SLC25A44: variants seen among roughly 807,000 people sequenced by gnomAD.
SLC25A44 encodes solute carrier family 25 member 44, also known as solute carrier family 25, member 44.
Under a neutral mutation model 29.9 loss-of-function variants are expected in SLC25A44, and 17 were observed. The ratio of observed to expected loss-of-function variants is 0.57; its 90% CI spans 0.39 to 0.85. The LOEUF is 0.85. Among genes scored for constraint, SLC25A44 ranks in the 40% least tolerant of loss-of-function variants. SLC25A44 has a pLI of 0.00. For synonymous variants in SLC25A44, 140 were observed against 151.8 expected (o/e 0.92, Z 0.57); for missense variants, 302 against 398.4 (o/e 0.76, Z 2.06).
intron 1 of SLC25A44, chr1:156,197,422 TTCTC>T (rs1656281715): frequency 6.6e-6 from 1 of 152,184 alleles, no homozygotes; most frequent in African/African-American, 2.4e-5. Context: ...CAAGCCATTG[TTCTC>T]TCTCTTTCAC....
At position 156,199,889 on chromosome 1, in the gene SLC25A44, C is replaced by T. The variant is rs1656444406; in HGVS notation, c.42C>T (p.His14=). The part of the protein sequence containing the change: ...KRNIQIIEWE[H]LDKKKFYVFG... ...ACATCCAGATCATCGAGTGGGAACA[C>T]CTGGACAAGAAGAAGTTCTACGTGT... is the stretch of plus-strand genomic sequence containing the variant. Residue 14 remains histidine, a synonymous_variant, in exon 2 of 4, where the codon CAC becomes CAT. Coordinates refer to ENST00000359511, the MANE Select transcript of SLC25A44 (RefSeq NM_014655.4). The T allele has an allele frequency of 8.7e-6, 14 of 1,614,022 alleles. No individual in the cohort carries two copies. The highest frequency in any genetic ancestry group is 1.7e-5 in the Admixed American group (1 of 60,002).
rs1330934390 is a variant in SLC25A44 at position 156,200,353 on chromosome 1, T to C, written c.506T>C (p.Ile169Thr). ...GTTGCCTTTGGCCAAACCAAGGACA[T>C]CATCAGGCAGATCCTGCAGGCTGAT... ...GVVAFGQTKD[I>T]IRQILQADGL... The change falls in exon 2 of 4, where the codon ATC (isoleucine) becomes ACC (threonine). Residue 169 changes from isoleucine to threonine, a missense_variant. Ile to Thr is a moderately conservative substitution (Grantham distance 89). Transcript: ENST00000359511. 1 of 1,613,990 alleles carries C rather than the reference T, an allele frequency of 6.2e-7. No homozygotes were observed. The highest frequency in any genetic ancestry group is 1.3e-5 in the African/African-American group (1 of 74,908).
At chr1:156,195,173 G>C (rs1656129133) in intron 1 of SLC25A44, among the ~76,000 whole-genome samples, 1 of 150,114 alleles carries the variant, frequency 6.7e-6, no homozygotes, top group South Asian at 2.1e-4. Flanking sequence ...GCGCAATCTC[G>C]GCTCACTGCA....
At chr1:156,202,867 G>A (rs1656675653) in intron 2 of SLC25A44, among the ~76,000 whole-genome samples, 1 of 152,210 alleles carries the variant, frequency 6.6e-6, no homozygotes, top group Non-Finnish European at 1.5e-5. Context: ...TGCGATGTAA[G>A]TGGTCTATAA....
chr1:156,207,955 C>T lies in SLC25A44; in HGVS notation c.695C>T (p.Ala232Val). The T allele has an allele frequency of 1.9e-6, 3 of 1,614,132 alleles. No homozygotes were observed. The highest frequency in any genetic ancestry group is 2.5e-6 in the Non-Finnish European group (3 of 1,179,978). Residue 232 changes from alanine (A) to valine (V), a missense_variant, in exon 3 of 4, where the codon GCT becomes GTT. Ala to Val is a moderately conservative substitution (Grantham distance 64). Coordinates refer to ENST00000359511, the MANE Select transcript of SLC25A44 (RefSeq NM_014655.4). ...IVFQAVSGPL[A>V]AATASILTNP... ...TTTCAAGCTGTCTCGGGGCCCCTGG[C>T]TGCAGCCACTGCCTCCATCCTCACC... is the stretch of plus-strand genomic sequence containing the variant.
At chr1:156,196,985 T>A (rs1656248693) in intron 1 of SLC25A44, 1 of 152,288 alleles carries the variant, frequency 6.6e-6, no homozygotes, top group Non-Finnish European at 1.5e-5. Flanking sequence ...ATTGACCAGC[T>A]GTGTGACCTT....
Position 156,210,528 on chromosome 1 carries a change from ACCCAG to A in SLC25A44, c.*101_*105del. 9.0e-6 allele frequency: 8 copies of A among 884,348 alleles called. No homozygotes were observed. The South Asian group carries it at 1.6e-4, about 18-fold the overall frequency. The allele number at this position is 884,348 out of a possible 1,614,324, so 54.8% of individuals were successfully genotyped here. ...CCCTCTCCAGGTGCTCCCACCACAC[ACCCAG>A]CCCTGCCCTGGGCCAAGTGGCCTAT... On this transcript the variant is annotated 3_prime_UTR_variant, in exon 4 of 4. Transcript: ENST00000359511.
Position 156,200,203 on chromosome 1 carries a change from C to T in SLC25A44, c.356C>T (p.Ala119Val). ...AAATCACTGGTGGCTGGTGGCTCAG[C>T]CTCCCTTGTGGCCCAGAGCATCACA... ...TVKSLVAGGS[A>V]SLVAQSITVP... is the part of the protein sequence containing the mutation. The change falls in exon 2 of 4, where the codon GCC (alanine) becomes GTC (valine). Residue 119 changes from alanine to valine, a missense_variant. Ala to Val is a moderately conservative substitution (Grantham distance 64). Transcript: ENST00000359511. 6.2e-7 allele frequency: 1 copy of T among 1,614,190 alleles called. No homozygotes were observed. Among genetic ancestry groups the T allele is most frequent in the Non-Finnish European group, 8.5e-7 (1 of 1,180,024 alleles).
intron 3 of SLC25A44, among the ~76,000 whole-genome samples, chr1:156,209,577 T>C (rs1657165022): frequency 6.6e-6 from 1 of 151,938 alleles, no homozygotes; most frequent in South Asian, 2.1e-4. Context: ...GGGGAGGGTG[T>C]GGGACTGTTG....
At chr1:156,207,178 AT>A (rs566114688) in intron 2 of SLC25A44, among the ~76,000 whole-genome samples, 29,115 of 135,798 alleles carry the variant, frequency 0.21, 2,963 homozygotes, top group Non-Finnish European at 0.28. Flanking sequence ...TATACAAAAC[AT>A]TTTTTTTTTT....
rs1420145599 is a variant in SLC25A44 at position 156,207,967 on chromosome 1, C to T, written c.707C>T (p.Ala236Val). Residue 236 changes from alanine to valine, a missense_variant, in exon 3 of 4, where the codon GCC (alanine) becomes GTC (valine). Coordinates refer to ENST00000359511, the MANE Select transcript of SLC25A44 (RefSeq NM_014655.4). ...AVSGPLAAAT[A>V]SILTNPMDVI... Reference sequence around the variant, plus strand: ...TCGGGGCCCCTGGCTGCAGCCACTGCCTCCATCCTCACCAATCCCATGGAT... The same window carrying T: ...TCGGGGCCCCTGGCTGCAGCCACTGTCTCCATCCTCACCAATCCCATGGAT... 1.2e-6 allele frequency: 2 copies of T among 1,614,128 alleles called. No homozygotes were observed. The highest frequency in any genetic ancestry group is 1.7e-6 in the Non-Finnish European group (2 of 1,179,992).
chr1:156,199,462 G>T, intron 1 of SLC25A44: 2 of 220,074 alleles, frequency 9.1e-6, no homozygotes, highest in Non-Finnish European at 1.8e-5. Context: ...CAAAAAGAAT[G>T]ATTCCTGGCC....
Position 156,211,238 on chromosome 1 carries a change from G to A in SLC25A44, c.*807G>A, listed in dbSNP as rs892711682. 1.3e-5 allele frequency: 2 copies of A among 152,794 alleles called. No individual in the cohort carries two copies. Among genetic ancestry groups the A allele is most frequent in the African/African-American group, 4.8e-5 (2 of 41,432 alleles). 9.5% of individuals were successfully genotyped at this position (152,794 alleles called of 1,614,324 possible). On this transcript the variant is annotated 3_prime_UTR_variant, in exon 4 of 4. Coordinates refer to ENST00000359511, the MANE Select transcript of SLC25A44 (RefSeq NM_014655.4). ...CCACTTCCCTGTCCCTTCAGTCTCA[G>A]GAGCCCTAGGAGAGTCTAAGCTGGG... is the stretch of plus-strand genomic sequence containing the variant.
chr1:156,201,409 C>T (rs1454904783), intron 2 of SLC25A44, among the ~76,000 whole-genome samples: 2 of 152,144 alleles, frequency 1.3e-5, no homozygotes, highest in South Asian at 2.1e-4. Flanking sequence ...TTAGGGCAGC[C>T]TATGTTTGAA....
intron 1 of SLC25A44, among the ~76,000 whole-genome samples, chr1:156,195,331 C>T (rs1214475238): frequency 6.6e-6 from 1 of 152,074 alleles, no homozygotes; most frequent in African/African-American, 2.4e-5. Flanking sequence ...TCTCGATCTC[C>T]TGACCTCGTG....
rs1203479145 is a variant in SLC25A44, at chr1:156,212,653, G to A, written c.*2222G>A. On this transcript the variant is annotated 3_prime_UTR_variant, in exon 4 of 4. Coordinates refer to ENST00000359511, the MANE Select transcript of SLC25A44 (RefSeq NM_014655.4). The stretch of plus-strand genomic sequence containing the variant: ...CTCTGGGAGACTGGAAACCTGATTG[G>A]AGCACTGAGGAACAAGGGAATGAAA... 2 of 187,194 alleles carry A rather than the reference G, an allele frequency of 1.1e-5. No individual in the cohort carries two copies. Among genetic ancestry groups the A allele is most frequent in the East Asian group, 2.7e-4 (2 of 7,328 alleles). 11.6% of individuals were successfully genotyped at this position (187,194 alleles called of 1,614,324 possible). A position where few individuals can be genotyped will look rare whatever the true frequency, so the allele number is the denominator to read the frequency against.
At position 156,210,455 on chromosome 1, in the gene SLC25A44, C is replaced by T. The variant is rs759248470; in HGVS notation, c.*24C>T. 1 of 1,521,438 alleles carries T rather than the reference C, an allele frequency of 6.6e-7. No homozygotes were observed. The highest frequency in any genetic ancestry group is 8.9e-7 in the Non-Finnish European group (1 of 1,128,136). The allele number at this position is 1,521,438 out of a possible 1,614,324, so 94.2% of individuals were successfully genotyped here. On this transcript the variant is annotated 3_prime_UTR_variant, in exon 4 of 4. Transcript: ENST00000359511. ...AACCAGTGGTGGGGAGAGAAGCCTG[C>T]TGTTTTCCACACTACCGTGGGTCAG...
At chr1:156,206,673 C>T (rs1656950625) in intron 2 of SLC25A44, among the ~76,000 whole-genome samples, 1 of 152,098 alleles carries the variant, frequency 6.6e-6, no homozygotes, top group Non-Finnish European at 1.5e-5. Flanking sequence ...GCTGGGACTA[C>T]AGGCCCGCAC....
At chr1:156,201,143 T>C (rs1479546077) in intron 2 of SLC25A44, among the ~76,000 whole-genome samples, 1 of 152,116 alleles carries the variant, frequency 6.6e-6, no homozygotes, top group Non-Finnish European at 1.5e-5. Flanking sequence ...GCATTTTAAA[T>C]TCAAGGTGTG....
Sources: allele counts gnomAD v4.1 joint callset (sites outside exome capture counted in the v4.1 genomes callset), GRCh38; gene constraint gnomAD v4.1.1; transcripts MANE v1.5; gene names NCBI Gene and HGNC (gene_info 2026-07-23, HGNC 2026-07-21).